The following CACNA1B variants were observed in gnomAD, a reference collection of about 807,000 sequenced individuals.
CACNA1B encodes the protein calcium voltage-gated channel subunit alpha1 B, also known as voltage-dependent N-type calcium channel subunit alpha-1B.
Under a neutral mutation model 247.2 loss-of-function variants are expected in CACNA1B, and 70 were observed. The ratio of observed to expected loss-of-function variants is 0.28; its 90% CI spans 0.23 to 0.35. CACNA1B has a LOEUF of 0.35. Among genes scored for constraint, CACNA1B ranks in the 10% least tolerant of loss-of-function variants. CACNA1B has a pLI of 1.00. For synonymous variants in CACNA1B, 1,231 were observed against 1,294.4 expected, an observed-to-expected ratio of 0.95 and a Z score of 1.05; for missense variants, 2,367 against 3,197.4, an observed-to-expected ratio of 0.74 and a Z score of 6.26.
chr9:137,911,646 T>C (rs1396813381), intron 3 of CACNA1B, among the ~76,000 whole-genome samples: 5 of 152,208 alleles, frequency 3.3e-5, no homozygotes, highest in Admixed American at 6.5e-5. Context: ...CTCGAACTCC[T>C]GACCTCAGGG....
rs1484695045 is a variant in CACNA1B at position 137,882,465 on chromosome 9, C to G, written c.391-279C>G. On this transcript the variant is annotated intron_variant, in intron 2 of 46. Transcript: ENST00000371372. The surrounding 1 kb of genome is among the most constrained non-coding windows in gnomAD (Gnocchi z 4.0). ...TGTGACGTGGGCAGAAGCTGAGATG[C>G]CAGGGTGGGAGGCACGAGGGGCCTG... is the stretch of plus-strand genomic sequence containing the variant. 6.6e-6 allele frequency among the ~76,000 whole-genome samples: 1 copy of G among 152,136 alleles called. No homozygotes were observed. The highest frequency in any genetic ancestry group is 2.4e-5 in the African/African-American group (1 of 41,420).
intron 21 of CACNA1B, 118 bp from the exon 22 acceptor site, chr9:138,046,786 C>G (rs1033952415): frequency 3.6e-5 from 34 of 932,720 alleles, no homozygotes; most frequent in Non-Finnish European, 5.0e-5. Context: ...AGCTCTGGGG[C>G]CACAGCTTCC....
intron 6 of CACNA1B, among the ~76,000 whole-genome samples, chr9:137,929,857 T>G (rs1957589499): frequency 6.6e-6 from 1 of 152,188 alleles, no homozygotes; most frequent in African/African-American, 2.4e-5. Flanking sequence ...TCTTCCTGTG[T>G]TGCCCAGGCT....
chr9:138,053,362 C>T (rs1055034684), intron 25 of CACNA1B, among the ~76,000 whole-genome samples: 4 of 152,208 alleles, frequency 2.6e-5, no homozygotes, highest in African/African-American at 9.6e-5. Flanking sequence ...GACACAGCAC[C>T]AGTCTTGTGT....
At chr9:137,956,975 C>A in intron 9 of CACNA1B, 148 bp downstream of exon 9, 1 of 663,682 alleles carries the variant, frequency 1.5e-6, no homozygotes, top group Non-Finnish European at 2.7e-6. Context: ...AGACTAGGGC[C>A]ATGGTGTCTG....
intron 20 of CACNA1B, 61 bp from the exon 21 acceptor site, chr9:138,043,713 C>A: frequency 6.3e-7 from 1 of 1,596,332 alleles, no homozygotes; most frequent in Non-Finnish European, 8.6e-7. Context: ...TGGGAGGGAG[C>A]CACGCAACGT....
intron 3 of CACNA1B, among the ~76,000 whole-genome samples, chr9:137,908,853 G>A (rs1236424175): frequency 6.6e-6 from 1 of 151,628 alleles, no homozygotes; most frequent in Non-Finnish European, 1.5e-5. Flanking sequence ...GGATGGTCTC[G>A]ATCTCCTGAC....
intron 15 of CACNA1B, among the ~76,000 whole-genome samples, chr9:137,992,796 C>CAA (rs58721134): frequency 1.5e-4 from 16 of 104,734 alleles, no homozygotes; most frequent in Non-Finnish European, 2.6e-4. Context: ...GACTCCGTCT[C>CAA]AAAAAAAAAA....
chr9:137,994,567 G>A (rs188487034), intron 15 of CACNA1B, among the ~76,000 whole-genome samples: 1 of 152,254 alleles, frequency 6.6e-6, no homozygotes, highest in Admixed American at 6.5e-5. Flanking sequence ...CATTAACAGC[G>A]ATCAAGCTGA....
intron 6 of CACNA1B, among the ~76,000 whole-genome samples, chr9:137,943,927 G>A (rs1957763926): frequency 6.6e-6 from 1 of 152,190 alleles, no homozygotes; most frequent in Non-Finnish European, 1.5e-5. Flanking sequence ...TGATAAACAA[G>A]TTTGCTGTTT....
At chr9:138,087,010 G>A (rs934976467) in intron 36 of CACNA1B, among the ~76,000 whole-genome samples, 1 of 150,686 alleles carries the variant, frequency 6.6e-6, no homozygotes, top group African/African-American at 2.5e-5. Context: ...AGTAACAAGG[G>A]GAGCTTTTGA....
chr9:137,981,196 T>A (rs1357036350), intron 12 of CACNA1B, among the ~76,000 whole-genome samples: 2 of 152,238 alleles, frequency 1.3e-5, no homozygotes, highest in Admixed American at 6.5e-5. Flanking sequence ...TGGCGTGAGA[T>A]GATATCTCAC....
chr9:138,112,067 A>G (rs945220083), intron 39 of CACNA1B, among the ~76,000 whole-genome samples: 6 of 152,040 alleles, frequency 3.9e-5, no homozygotes, highest in African/African-American at 1.4e-4. Context: ...GAGTGCTGCC[A>G]TCTTCCTCCT....
chr9:137,907,318 C>T (rs1346529663), intron 3 of CACNA1B, among the ~76,000 whole-genome samples: 1 of 152,214 alleles, frequency 6.6e-6, no homozygotes, highest in African/African-American at 2.4e-5. Context: ...TTGTGAAAGG[C>T]ATTTTTATTT....
intron 22 of CACNA1B, 43 bp downstream of exon 22, chr9:138,047,076 G>A (rs1394156332): frequency 6.4e-7 from 1 of 1,565,212 alleles, no homozygotes; most frequent in East Asian, 2.3e-5. Flanking sequence ...GCTGTGGCGG[G>A]GGAGCTGGGT....
At position 138,023,187 on chromosome 9, in the gene CACNA1B, G is replaced by A; in HGVS notation, c.2444G>A (p.Arg815Gln). Residue 815 changes from arginine to glutamine, a missense_variant, in exon 19 of 47, where the codon CGG becomes CAG. Arg to Gln is a conservative substitution (Grantham distance 43). Around this residue, in one of 12 missense-constraint regions of CACNA1B, gnomAD observed 631 missense variants for 631.1 expected, o/e 1.00. Coordinates refer to ENST00000371372, the MANE Select transcript of CACNA1B (RefSeq NM_000718.4). ...LRPDMKTHLDRPLVVELGRDG... is the reference protein window; with the variant it reads ...LRPDMKTHLDQPLVVELGRDG... ...CCCGACATGAAGACGCACCTGGACC[G>A]GCCGCTGGTGGTGGAGCTGGGCCGC... 6.6e-7 allele frequency: 1 copy of A among 1,520,788 alleles called. No homozygotes were observed. Among genetic ancestry groups the A allele is most frequent in the Non-Finnish European group, 8.8e-7 (1 of 1,142,178 alleles). 94.2% of individuals were successfully genotyped at this position (1,520,788 alleles called of 1,614,324 possible). A position where few individuals can be genotyped will look rare whatever the true frequency, so the allele number is the denominator to read the frequency against.
rs530576181 is a variant in CACNA1B, at chr9:138,074,716, C to T, written c.4857+650C>T. ...CTTGAGGGCTGCATGGGCTCCCGCCCAGTGATGGTAGGGTGTCGGGGCACA... is the reference window on the plus strand; with the variant it reads ...CTTGAGGGCTGCATGGGCTCCCGCCTAGTGATGGTAGGGTGTCGGGGCACA... On this transcript the variant is annotated intron_variant, in intron 34 of 46. Transcript: ENST00000371372. Among the ~76,000 whole-genome samples, 11 of 152,318 alleles carry T rather than the reference C, an allele frequency of 7.2e-5. No homozygotes were observed. The South Asian group carries it at 2.3e-3, about 32-fold the overall frequency.
Position 137,917,159 on chromosome 9 carries a change from C to G in CACNA1B, c.776-82C>G, listed in dbSNP as rs1437058081. ...GGTTCCTGCCCACCTGCTGTGAGCT[C>G]TCCAGAGCCCAGGAATCCTGGTGGG... On this transcript the variant is annotated intron_variant, in intron 5 of 46. Coordinates refer to ENST00000371372, the MANE Select transcript of CACNA1B (RefSeq NM_000718.4). This position sits in a 1 kb window ranked among gnomAD's most constrained non-coding sequence, Gnocchi z 5.5. 1.2e-5 allele frequency: 16 copies of G among 1,362,858 alleles called. No homozygotes were observed. Among genetic ancestry groups the G allele is most frequent in the Non-Finnish European group, 1.5e-5 (15 of 985,872 alleles). 84.4% of individuals were successfully genotyped at this position (1,362,858 alleles called of 1,614,324 possible).
Position 138,014,930 on chromosome 9 carries a change from C to T in CACNA1B, c.2267+1695C>T, listed in dbSNP as rs886724439. Among the ~76,000 whole-genome samples, 2 of 152,286 alleles carry T rather than the reference C, an allele frequency of 1.3e-5. No homozygotes were observed. The highest frequency in any genetic ancestry group is 2.9e-5 in the Non-Finnish European group (2 of 68,016). ...ACTCTTCCTTATCTGCTGCCCTGTC[C>T]TGGTTTGGAGACACTGCTATGCAGG... On this transcript the variant is annotated intron_variant, in intron 18 of 46. Transcript: ENST00000371372. This position sits in a 1 kb window ranked among gnomAD's most constrained non-coding sequence, Gnocchi z 6.2.
Sources: gnomAD v4.1 joint callset for allele counts (sites outside exome capture counted in the v4.1 genomes callset) on GRCh38, gnomAD v4.1.1 for gene constraint, gnomAD v4.1.1 regional missense constraint, Gnocchi (gnomAD v3.1) non-coding constraint, MANE v1.5 for transcripts, NCBI Gene and HGNC (gene_info 2026-07-23, HGNC 2026-07-21) for gene names.